NRP2: variants seen among roughly 807,000 people sequenced by gnomAD.
The protein encoded by NRP2 is neuropilin-2.
NRP2 carries 52 observed loss-of-function variants against 110.4 expected under a neutral mutation model. That is an observed-to-expected ratio of 0.47 (90% CI 0.38 to 0.59). The LOEUF is 0.59. Ranked by LOEUF, NRP2 falls within the 20% of genes least tolerant of loss-of-function variation. NRP2 has a pLI of 0.00. For synonymous variants in NRP2, 508 were observed against 468.9 expected (o/e 1.08, Z -1.08); for missense variants, 1,049 against 1,203.0 (o/e 0.87, Z 1.89).
At chr2:205,688,113 T>C (rs767474222) in intron 1 of NRP2, among the ~76,000 whole-genome samples, 1 of 152,258 alleles carries the variant, frequency 6.6e-6, no homozygotes, top group Non-Finnish European at 1.5e-5. Flanking sequence ...GAACTTGAGC[T>C]GAGATCTTCC....
chr2:205,783,380 T>G (rs997585243), intron 15 of NRP2, among the ~76,000 whole-genome samples: 1 of 152,254 alleles, frequency 6.6e-6, no homozygotes, highest in African/African-American at 2.4e-5. Flanking sequence ...AAAGAATGCC[T>G]GTGCTGTGCC....
At position 205,763,881 on chromosome 2, in the gene NRP2, G is replaced by T; in HGVS notation, c.2252G>T (p.Gly751Val). ...CTGTGGGTCATCCGTGAGGACCAGG[G>T]CGGCGAGTGGAAGCACGGGCGGATC... Reference protein sequence around the residue: ...KLLWVIREDQGGEWKHGRIIL... With the variant: ...KLLWVIREDQVGEWKHGRIIL... The change falls in exon 13 of 17, where the codon GGC becomes GTC. Residue 751 changes from glycine (G) to valine (V), a missense_variant. Gly to Val is a moderately radical substitution (Grantham distance 109). Coordinates refer to ENST00000357785, the MANE Select transcript of NRP2 (RefSeq NM_003872.3). The surrounding 1 kb of genome is among the most constrained non-coding windows in gnomAD (Gnocchi z 4.0). 6.2e-7 allele frequency: 1 copy of T among 1,614,120 alleles called. No individual in the cohort carries two copies.
intron 2 of NRP2, among the ~76,000 whole-genome samples, chr2:205,713,144 T>G (rs1487649858): frequency 6.6e-6 from 1 of 152,154 alleles, no homozygotes; most frequent in African/African-American, 2.4e-5. Flanking sequence ...TCATTGCTGA[T>G]TCTGTTAATC....
intron 15 of NRP2, among the ~76,000 whole-genome samples, chr2:205,786,169 AATTAAGTG>A (rs2058233800): frequency 6.6e-6 from 1 of 152,202 alleles, no homozygotes; most frequent in Non-Finnish European, 1.5e-5. Context: ...TGAATTGGGA[AATTAAGTG>A]TGGTGGGGAA....
rs750250767 is a variant in NRP2 at position 205,794,965 on chromosome 2, C to A, written c.2688C>A (p.Ser896Arg). The change falls in exon 17 of 17, where the codon AGC becomes AGA. Residue 896 changes from serine (S) to arginine (R), a missense_variant. By Grantham distance (110) the Ser-to-Arg change is moderately radical. Transcript: ENST00000357785. Reference sequence around the variant, plus strand: ...CCTACTCGGGCCTGAGCTCCCGAAGCTGCACCACACTGGAGAACTACAACT... The same window carrying A: ...CCTACTCGGGCCTGAGCTCCCGAAGATGCACCACACTGGAGAACTACAACT... ...TCSYSGLSSR[S>R]CTTLENYNFE... 7.4e-6 allele frequency: 12 copies of A among 1,614,198 alleles called. No individual in the cohort carries two copies. The highest frequency in any genetic ancestry group is 1.0e-5 in the Non-Finnish European group (12 of 1,180,038).
chr2:205,776,525 G>A, intron 15 of NRP2: 1 of 1,604,092 alleles, frequency 6.2e-7, no homozygotes, highest in Non-Finnish European at 8.5e-7. Context: ...TCGCACTGCT[G>A]AGGGCCGAAG....
chr2:205,741,782 G>C (rs941082665), intron 8 of NRP2, among the ~76,000 whole-genome samples: 1 of 152,184 alleles, frequency 6.6e-6, no homozygotes, highest in African/African-American at 2.4e-5. Flanking sequence ...TGTTTGTACA[G>C]TCTCTGCATC....
chr2:205,709,478 G>A (rs953545188), intron 2 of NRP2, among the ~76,000 whole-genome samples: 2 of 152,208 alleles, frequency 1.3e-5, no homozygotes, highest in Admixed American at 6.5e-5. Context: ...GGTGGAGACT[G>A]TTATTATGTC....
At chr2:205,738,656 A>G (rs1559338344) in intron 7 of NRP2, among the ~76,000 whole-genome samples, 1 of 152,030 alleles carries the variant, frequency 6.6e-6, no homozygotes, top group Non-Finnish European at 1.5e-5. Flanking sequence ...TCTCATCCAC[A>G]ATCGCTATAC....
intron 10 of NRP2, among the ~76,000 whole-genome samples, chr2:205,747,983 T>C (rs1234992415): frequency 3.9e-5 from 6 of 152,112 alleles, no homozygotes; most frequent in Non-Finnish European, 5.9e-5. Flanking sequence ...CTGGTTTCAA[T>C]TTCAGGGGTA....
rs577128251 is a variant in NRP2, at chr2:205,749,984, A to T, written c.1903+143A>T. 8 of 719,916 alleles carry T rather than the reference A, an allele frequency of 1.1e-5. No individual in the cohort carries two copies. In the Admixed American group the frequency reaches 1.6e-4, roughly 15 times the overall value. The allele number at this position is 719,916 out of a possible 1,614,324, so 44.6% of individuals were successfully genotyped here. A position where few individuals can be genotyped will look rare whatever the true frequency, so the allele number is the denominator to read the frequency against. ...AGTGGTAAGAGAGGTGGGGGCACTT[A>T]GGGGTTTGGGGCAGTGGCTGTTTAC... On this transcript the variant is annotated intron_variant, in intron 11 of 16. Coordinates refer to ENST00000357785, the MANE Select transcript of NRP2 (RefSeq NM_003872.3).
chr2:205,761,733 C>T (rs1236780036), intron 12 of NRP2, among the ~76,000 whole-genome samples: 1 of 152,214 alleles, frequency 6.6e-6, no homozygotes, highest in Non-Finnish European at 1.5e-5. Flanking sequence ...AAATAAAGAA[C>T]TTATTGCATG....
At chr2:205,723,451 G>A (rs955536870) in intron 4 of NRP2, among the ~76,000 whole-genome samples, 3 of 152,178 alleles carry the variant, frequency 2.0e-5, no homozygotes, top group South Asian at 4.1e-4. Flanking sequence ...CTAGCAGTAA[G>A]AATAAAGAAA....
chr2:205,745,624 A>C, intron 9 of NRP2, 122 bp from the exon 10 acceptor site: 1 of 1,060,506 alleles, frequency 9.4e-7, no homozygotes, highest in Non-Finnish European at 1.4e-6. Flanking sequence ...ACCAGGAATC[A>C]ACTAGGAAGC....
At chr2:205,691,291 C>T (rs991131239) in intron 1 of NRP2, among the ~76,000 whole-genome samples, 1 of 152,098 alleles carries the variant, frequency 6.6e-6, no homozygotes, top group Admixed American at 6.6e-5. Flanking sequence ...AGGAGAAAGA[C>T]CACTCCCAGT....
chr2:205,702,637 T>C (rs1480490777), intron 2 of NRP2, among the ~76,000 whole-genome samples: 4 of 152,226 alleles, frequency 2.6e-5, no homozygotes, highest in Non-Finnish European at 5.9e-5. Context: ...AAGTAAGAGA[T>C]GATATCTTAG....
At chr2:205,746,208 G>C (rs1226684510) in intron 10 of NRP2, among the ~76,000 whole-genome samples, 4 of 152,190 alleles carry the variant, frequency 2.6e-5, no homozygotes, top group Non-Finnish European at 5.9e-5. Flanking sequence ...GAGGGCTGTG[G>C]CTGTTGATTT....
In NRP2 at chr2:205,687,816, CA is replaced by C. The variant is rs145525240; in HGVS notation, c.73+4454del. 8.1e-3 allele frequency among the ~76,000 whole-genome samples: 1,232 copies of C among 152,276 alleles called. 9 individuals are homozygous for C. Among genetic ancestry groups the C allele is most frequent in the African/African-American group, 0.028 (1,169 of 41,550 alleles). ...GAAAGGCCAGTTCCTATCTTCCAGG[CA>C]TAGAAAAAGCTAGGAATCCAAATGC... On this transcript the variant is annotated intron_variant, in intron 1 of 16. Transcript: ENST00000357785.
Position 205,725,791 on chromosome 2 carries a change from T to C in NRP2, c.821-122T>C. On this transcript the variant is annotated intron_variant, in intron 5 of 16. Transcript: ENST00000357785. The surrounding 1 kb of genome is among the most constrained non-coding windows in gnomAD (Gnocchi z 4.1). ...TGTTTTTAAAATGTGAGCATATAATTAGGGTCTTTTAAATGAGGAAGTGCC... is the reference window on the plus strand; with the variant it reads ...TGTTTTTAAAATGTGAGCATATAATCAGGGTCTTTTAAATGAGGAAGTGCC... The C allele has an allele frequency of 1.1e-6, 1 of 934,338 alleles. No individual in the cohort carries two copies. The highest frequency in any genetic ancestry group is 1.4e-5 in the South Asian group (1 of 73,422). 57.9% of individuals were successfully genotyped at this position (934,338 alleles called of 1,614,324 possible).
Sources: allele counts gnomAD v4.1 joint callset (sites outside exome capture counted in the v4.1 genomes callset), GRCh38; gene constraint gnomAD v4.1.1; non-coding constraint Gnocchi (gnomAD v3.1); transcripts MANE v1.5; gene names NCBI Gene and HGNC (gene_info 2026-07-23, HGNC 2026-07-21).